SPIDR: variants seen among roughly 807,000 people sequenced by gnomAD.
The protein encoded by SPIDR is scaffold protein involved in DNA repair, also known as DNA repair-scaffolding protein.
SPIDR carries 93 observed loss-of-function variants against 104.6 expected under a neutral mutation model. That is an observed-to-expected ratio of 0.89 (90% CI 0.75 to 1.06). The LOEUF is 1.06. Ranked by LOEUF, SPIDR falls within the 50% of genes least tolerant of loss-of-function variation. SPIDR has a pLI of 0.00. For missense variants in SPIDR, 1,154 were observed against 1,111.2 expected (o/e 1.04, Z -0.55); for synonymous variants, 431 against 416.9 (o/e 1.03, Z -0.41).
chr8:47,448,946 AAC>A (rs1554703924), intron 8 of SPIDR, among the ~76,000 whole-genome samples: 1 of 152,116 alleles, frequency 6.6e-6, no homozygotes, highest in Non-Finnish European at 1.5e-5. Context: ...GAATCTGGAG[AAC>A]CTCCCTGTGT....
chr8:47,461,416 A>G (rs1357059995), intron 8 of SPIDR, among the ~76,000 whole-genome samples: 4 of 152,078 alleles, frequency 2.6e-5, no homozygotes, highest in Non-Finnish European at 4.4e-5. Context: ...GATTCAAGCG[A>G]TTCTCCTGCC....
At chr8:47,511,223 G>GCCTCC (rs2082269375) in intron 8 of SPIDR, 1 of 1,590,186 alleles carries the variant, frequency 6.3e-7, no homozygotes, top group East Asian at 2.2e-5. Flanking sequence ...TTCTGCACCA[G>GCCTCC]CCTCCCACCG....
chr8:47,398,517 G>A (rs954743964), intron 6 of SPIDR, among the ~76,000 whole-genome samples: 3 of 152,218 alleles, frequency 2.0e-5, no homozygotes, highest in Admixed American at 6.5e-5. Flanking sequence ...GGGAAGCCCT[G>A]AGGAGATGCC....
At chr8:47,357,723 G>C (rs1480754170) in intron 5 of SPIDR, 1 of 257,166 alleles carries the variant, frequency 3.9e-6, no homozygotes, top group Non-Finnish European at 6.1e-6. Context: ...ATGTGCTTTT[G>C]TTTTGTTTTT....
At chr8:47,299,877 A>G (rs1463983159) in intron 5 of SPIDR, among the ~76,000 whole-genome samples, 45 of 152,316 alleles carry the variant, frequency 3.0e-4, no homozygotes, top group African/African-American at 1.1e-3. Context: ...GGATTTTTGC[A>G]TCGATGTTCA....
chr8:47,641,283 C>T (rs886629348), intron 10 of SPIDR, among the ~76,000 whole-genome samples: 3 of 152,128 alleles, frequency 2.0e-5, no homozygotes, highest in Non-Finnish European at 4.4e-5. Context: ...CCTTGGCCTC[C>T]CAAAGCACTG....
At chr8:47,481,204 A>G (rs2076863910) in intron 8 of SPIDR, among the ~76,000 whole-genome samples, 1 of 152,206 alleles carries the variant, frequency 6.6e-6, no homozygotes, top group Non-Finnish European at 1.5e-5. Flanking sequence ...ATAAGGTGTA[A>G]TGGTCTTTTC....
At chr8:47,553,771 C>T (rs764736691) in intron 8 of SPIDR, among the ~76,000 whole-genome samples, 1 of 152,350 alleles carries the variant, frequency 6.6e-6, no homozygotes, top group African/African-American at 2.4e-5. Context: ...CATTCTCTGT[C>T]CAGCTTTGCT....
intron 5 of SPIDR, among the ~76,000 whole-genome samples, chr8:47,391,085 C>G (rs572851051): frequency 6.6e-6 from 1 of 152,096 alleles, no homozygotes; most frequent in African/African-American, 2.4e-5. Context: ...AGCTGGTGTC[C>G]GGTGAGCCAG....
At position 47,567,407 on chromosome 8, in the gene SPIDR, C is replaced by T. The variant is rs190841579; in HGVS notation, c.1098-28404C>T. On this transcript the variant is annotated intron_variant, in intron 8 of 19. Transcript: ENST00000297423. ...GCTAATTTTGTATTTTTAGTAGAGACGGGGTTTCTCCATGTTGGTCAGGCA... is the reference window on the plus strand; with the variant it reads ...GCTAATTTTGTATTTTTAGTAGAGATGGGGTTTCTCCATGTTGGTCAGGCA... Among the ~76,000 whole-genome samples, 19 of 151,608 alleles carry T rather than the reference C, an allele frequency of 1.3e-4. No individual in the cohort carries two copies. The East Asian group carries it at 2.9e-3, about 23-fold the overall frequency.
At chr8:47,312,188 G>A (rs1463028762) in intron 5 of SPIDR, among the ~76,000 whole-genome samples, 6 of 152,098 alleles carry the variant, frequency 3.9e-5, no homozygotes, top group South Asian at 4.1e-4. Context: ...ATAGGTGTGC[G>A]TGTGTCTTTA....
At chr8:47,467,880 TAAAAGGCATCTA>T (rs2075139340) in intron 8 of SPIDR, among the ~76,000 whole-genome samples, 1 of 152,056 alleles carries the variant, frequency 6.6e-6, no homozygotes. Flanking sequence ...TAGAAATAAA[TAAAAGGCATCTA>T]AATAGGAATA....
intron 7 of SPIDR, among the ~76,000 whole-genome samples, chr8:47,435,355 G>GA (rs1554691484): frequency 3.4e-5 from 5 of 146,560 alleles, no homozygotes; most frequent in African/African-American, 5.2e-5. Flanking sequence ...TGTGTGTGTG[G>GA]CCTCTTGGTT....
chr8:47,276,901 A>G (rs1275579432), intron 1 of SPIDR: 3 of 150,108 alleles, frequency 2.0e-5, no homozygotes, highest in Non-Finnish European at 4.4e-5. Context: ...CTGGAATGTA[A>G]GGCATTATGA....
chr8:47,310,750 C>T (rs922027577), intron 5 of SPIDR, among the ~76,000 whole-genome samples: 2 of 152,026 alleles, frequency 1.3e-5, no homozygotes, highest in Non-Finnish European at 2.9e-5. Flanking sequence ...CCAAATTCTG[C>T]ATAAAAGTCT....
intron 16 of SPIDR, among the ~76,000 whole-genome samples, chr8:47,721,471 G>T (rs1392830924): frequency 6.6e-6 from 1 of 151,190 alleles, no homozygotes; most frequent in East Asian, 1.9e-4. Context: ...CTTAATTATT[G>T]AAACTTTTTT....
intron 7 of SPIDR, among the ~76,000 whole-genome samples, chr8:47,437,109 T>A (rs1009855063): frequency 7.9e-5 from 12 of 152,192 alleles, no homozygotes; most frequent in Non-Finnish European, 1.3e-4. Flanking sequence ...CTTTTTTTTT[T>A]ATACTTTAAG....
intron 8 of SPIDR, among the ~76,000 whole-genome samples, chr8:47,497,561 T>A (rs2079637601): frequency 6.6e-6 from 1 of 152,208 alleles, no homozygotes; most frequent in Admixed American, 6.6e-5. Context: ...CGTGGTCAAA[T>A]AAGATACCTT....
intron 5 of SPIDR, among the ~76,000 whole-genome samples, chr8:47,350,056 A>G (rs1045327761): frequency 5.3e-5 from 8 of 152,134 alleles, no homozygotes; most frequent in African/African-American, 1.9e-4. Flanking sequence ...TGCGTCGCTC[A>G]TGCTGGGAGC....
Sources: allele counts gnomAD v4.1 joint callset (sites outside exome capture counted in the v4.1 genomes callset), GRCh38; gene constraint gnomAD v4.1.1; transcripts MANE v1.5; gene names NCBI Gene and HGNC (gene_info 2026-07-23, HGNC 2026-07-21).